Variants in CDH11 observed in about 807,000 individuals in gnomAD.
The protein encoded by CDH11 is cadherin 11, also known as cadherin-11.
A neutral mutation model predicts 67.8 loss-of-function variants in CDH11; 11 were observed. The ratio of observed to expected loss-of-function variants is 0.16; its 90% CI spans 0.10 to 0.27. The LOEUF is 0.27. CDH11 is among the 10% of genes least tolerant of loss of function. The pLI, the probability that CDH11 is intolerant of heterozygous loss-of-function variation, is 1.00. For synonymous variants in CDH11, 419 were observed against 400.0 expected (o/e 1.05, Z -0.57); for missense variants, 847 against 1,031.2 (o/e 0.82, Z 2.45).
rs558666456 is a variant in CDH11 at position 65,063,500 on chromosome 16, A to G, written c.-297-9572T>C. 1.4e-4 allele frequency among the ~76,000 whole-genome samples: 21 copies of G among 152,286 alleles called. No homozygotes were observed. In the East Asian group the frequency reaches 3.9e-3, roughly 28 times the overall value. ...AGGTTTCAGGAGGACTTCTTCTACA[A>G]TATTCATATTCTCTATCATATGGCT... On this transcript the variant is annotated intron_variant, in intron 1 of 12. Coordinates refer to ENST00000268603, the MANE Select transcript of CDH11 (RefSeq NM_001797.4).
At chr16:64,981,975 C>G (rs926655556) in intron 8 of CDH11, 73 bp downstream of exon 8, 2 of 1,366,426 alleles carry the variant, frequency 1.5e-6, no homozygotes, top group African/African-American at 2.9e-5. Context: ...AAACGTGGTT[C>G]CTACAGGGCT....
At position 64,944,338 on chromosome 16, in the gene CDH11, G is replaced by A. The variant is rs1329804201; in HGVS notation, c.*3265C>T. On this transcript the variant is annotated 3_prime_UTR_variant, in exon 13 of 13. Transcript: ENST00000268603. The stretch of plus-strand genomic sequence containing the variant: ...CTGATGGCAGTGCAAGAGCAGAGAA[G>A]TCTTTCCTCTTCTCCATCTCCAAAT... 1 of 232,620 alleles carries A rather than the reference G, an allele frequency of 4.3e-6. No homozygotes were observed. The highest frequency in any genetic ancestry group is 8.5e-6 in the Non-Finnish European group (1 of 117,764). The allele number at this position is 232,620 out of a possible 1,614,324, so 14.4% of individuals were successfully genotyped here.
intron 11 of CDH11, among the ~76,000 whole-genome samples, chr16:64,956,274 TCATAAAGCTACTTAGCACAGTTG>T (rs2071508491): frequency 6.6e-6 from 1 of 152,214 alleles, no homozygotes; most frequent in South Asian, 2.1e-4. Flanking sequence ...TTGATTCCAT[TCATAAAGCTACTTAGCACAGTTG>T]CCAGCCTGTT....
intron 1 of CDH11, among the ~76,000 whole-genome samples, chr16:65,119,852 T>C (rs915021945): frequency 4.6e-5 from 7 of 152,248 alleles, no homozygotes; most frequent in Non-Finnish European, 8.8e-5. Context: ...CAAAGTTTCC[T>C]GGCCTTTCAG....
chr16:65,065,286 T>G (rs1481782919), intron 1 of CDH11, among the ~76,000 whole-genome samples: 1 of 152,190 alleles, frequency 6.6e-6, no homozygotes, highest in Non-Finnish European at 1.5e-5. Context: ...TTTACCAATA[T>G]CCTGTTTTAT....
chr16:64,981,913 C>A (rs1393832348), intron 8 of CDH11, 135 bp downstream of exon 8: 15 of 739,332 alleles, frequency 2.0e-5, no homozygotes, highest in Non-Finnish European at 2.9e-5. Flanking sequence ...AAATCTTAAT[C>A]TTGTTTACAT....
intron 2 of CDH11, among the ~76,000 whole-genome samples, chr16:65,007,344 T>G (rs2073080588): frequency 6.6e-6 from 1 of 152,172 alleles, no homozygotes; most frequent in African/African-American, 2.4e-5. Flanking sequence ...CTTGAAACTC[T>G]TAATATTGGT....
At chr16:65,058,360 GT>G (rs1479373570) in intron 1 of CDH11, among the ~76,000 whole-genome samples, 1 of 152,154 alleles carries the variant, frequency 6.6e-6, no homozygotes, top group Non-Finnish European at 1.5e-5. Context: ...GAAATATCAG[GT>G]TTTTAAAACT....
At chr16:64,966,055 T>C (rs1461291988) in intron 11 of CDH11, among the ~76,000 whole-genome samples, 2 of 151,180 alleles carry the variant, frequency 1.3e-5, no homozygotes, top group African/African-American at 4.9e-5. Flanking sequence ...GGACAGAAAA[T>C]AGAATCACAT....
chr16:65,029,563 G>A (rs1489036615), intron 2 of CDH11, among the ~76,000 whole-genome samples: 1 of 152,164 alleles, frequency 6.6e-6, no homozygotes, highest in Non-Finnish European at 1.5e-5. Flanking sequence ...GCATGATGAG[G>A]AGGAGAAATT....
chr16:65,060,089 C>G (rs1476672021), intron 1 of CDH11, among the ~76,000 whole-genome samples: 3 of 152,126 alleles, frequency 2.0e-5, no homozygotes, highest in East Asian at 3.9e-4. Context: ...GTAAAAATTA[C>G]TCTTCCCCAC....
chr16:65,103,610 G>T (rs1483985305), intron 1 of CDH11, among the ~76,000 whole-genome samples: 5 of 152,150 alleles, frequency 3.3e-5, no homozygotes, highest in African/African-American at 1.2e-4. Flanking sequence ...ATGACAATAT[G>T]CCCAACAGTG....
chr16:65,025,911 G>C (rs781275467), intron 2 of CDH11, among the ~76,000 whole-genome samples: 1 of 152,142 alleles, frequency 6.6e-6, no homozygotes, highest in African/African-American at 2.4e-5. Context: ...GTAGTGGGGA[G>C]AGGAGGGATA....
At chr16:65,116,772 A>C (rs543572895) in intron 1 of CDH11, among the ~76,000 whole-genome samples, 1 of 152,158 alleles carries the variant, frequency 6.6e-6, no homozygotes, top group African/African-American at 2.4e-5. Flanking sequence ...AGAGAGAGAG[A>C]GGTACGAAGA....
At chr16:65,032,251 C>A (rs2073657582) in intron 2 of CDH11, among the ~76,000 whole-genome samples, 1 of 150,956 alleles carries the variant, frequency 6.6e-6, no homozygotes, top group African/African-American at 2.4e-5. Flanking sequence ...CTTTGGGAGG[C>A]CAAGACAGGC....
intron 1 of CDH11, among the ~76,000 whole-genome samples, chr16:65,079,366 G>GA (rs567329909): frequency 6.6e-6 from 1 of 152,022 alleles, no homozygotes; most frequent in Non-Finnish European, 1.5e-5. Flanking sequence ...ATTTTATTAT[G>GA]AAAAAAATTA....
intron 1 of CDH11, among the ~76,000 whole-genome samples, chr16:65,080,904 T>G (rs1399414186): frequency 2.0e-5 from 3 of 152,206 alleles, no homozygotes; most frequent in Non-Finnish European, 4.4e-5. Flanking sequence ...GTTTCTTTCT[T>G]TATTCATCTT....
intron 11 of CDH11, among the ~76,000 whole-genome samples, chr16:64,956,449 C>T (rs1303140571): frequency 6.6e-6 from 1 of 152,246 alleles, no homozygotes; most frequent in African/African-American, 2.4e-5. Context: ...ATTGCCTATG[C>T]AGAAGGACTC....
intron 11 of CDH11, among the ~76,000 whole-genome samples, chr16:64,966,508 C>T (rs976037617): frequency 1.1e-4 from 17 of 151,520 alleles, no homozygotes; most frequent in African/African-American, 3.9e-4. Flanking sequence ...AAATATGATA[C>T]CAGTAAATAG....
Sources: allele counts gnomAD v4.1 joint callset (sites outside exome capture counted in the v4.1 genomes callset), GRCh38; gene constraint gnomAD v4.1.1; transcripts MANE v1.5; gene names NCBI Gene and HGNC (gene_info 2026-07-23, HGNC 2026-07-21).